Variants in COL9A1 observed in about 807,000 individuals in gnomAD.
COL9A1 encodes the protein collagen type IX alpha 1 chain, also known as collagen alpha-1(IX) chain.
A neutral mutation model predicts 142.6 loss-of-function variants in COL9A1; 104 were observed. The observed-to-expected ratio is 0.73, with a 90% CI of 0.62 to 0.86. The LOEUF (loss-of-function observed/expected upper bound fraction) is 0.86, where lower values mean the gene tolerates loss of function less well. Ranked by LOEUF, COL9A1 falls within the 40% of genes least tolerant of loss-of-function variation. The pLI, the probability that COL9A1 is intolerant of heterozygous loss-of-function variation, is 0.00. For synonymous variants in COL9A1, 466 were observed against 396.0 expected, an observed-to-expected ratio of 1.18 and a Z score of -2.10; for missense variants, 1,210 against 1,176.6, an observed-to-expected ratio of 1.03 and a Z score of -0.42.
intron 33 of COL9A1, among the ~76,000 whole-genome samples, chr6:70,238,889 A>T (rs1360254948): frequency 6.6e-6 from 1 of 152,250 alleles, no homozygotes; most frequent in African/African-American, 2.4e-5. Flanking sequence ...CTGTAAACCC[A>T]GCACTTTGGG....
intron 35 of COL9A1, 37 bp from the exon 36 acceptor site, chr6:70,232,808 G>C: frequency 6.4e-7 from 1 of 1,572,190 alleles, no homozygotes; most frequent in Non-Finnish European, 8.7e-7. Context: ...AGAAGTGTCA[G>C]AAACATAAAA....
intron 11 of COL9A1, 92 bp from the exon 12 acceptor site, chr6:70,274,174 C>T (rs1023328386): frequency 3.0e-6 from 3 of 1,002,272 alleles, no homozygotes; most frequent in Admixed American, 2.4e-5. Flanking sequence ...ATTAAAACAC[C>T]CCATTATGGT....
At chr6:70,282,575 G>C (rs1184647960) in intron 7 of COL9A1, among the ~76,000 whole-genome samples, 1 of 152,126 alleles carries the variant, frequency 6.6e-6, no homozygotes, top group South Asian at 2.1e-4. Flanking sequence ...AGGTGGGGCG[G>C]GGGAGGGGGT....
intron 14 of COL9A1, 27 bp from the exon 15 acceptor site, chr6:70,270,394 G>A: frequency 6.2e-7 from 1 of 1,605,692 alleles, no homozygotes; most frequent in Non-Finnish European, 8.5e-7. Flanking sequence ...TTGCGACACA[G>A]TGGTTATACA....
intron 37 of COL9A1, among the ~76,000 whole-genome samples, chr6:70,219,867 A>G (rs1768760588): frequency 1.3e-5 from 2 of 152,280 alleles, no homozygotes; most frequent in Admixed American, 1.3e-4. Flanking sequence ...CTTAAGTTTT[A>G]AGTAATTTAT....
At chr6:70,281,339 T>C (rs1204664394) in intron 8 of COL9A1, 51 bp downstream of exon 8, 14 of 1,535,544 alleles carry the variant, frequency 9.1e-6, no homozygotes, top group African/African-American at 4.3e-5. Flanking sequence ...GGGAAAAGAA[T>C]AGGAAAGGGC....
chr6:70,281,270 T>A (rs1219301378), intron 8 of COL9A1, 120 bp downstream of exon 8: 1 of 946,988 alleles, frequency 1.1e-6, no homozygotes, highest in East Asian at 2.6e-5. Context: ...TTAAGTGGGG[T>A]GGCAGGAAGG....
Position 70,300,105 on chromosome 6 carries a change from T to A in COL9A1, c.237A>T (p.Gly79=), listed in dbSNP as rs1562334246. ...ASRRAIQRVV[G]SATLQVAYKL... The stretch of plus-strand genomic sequence containing the variant: ...TGTAAGCCACCTGCAATGTAGCTGA[T>A]CCCACTACTCTCTGGATAGCTCTTC... Residue 79 remains glycine, a synonymous_variant, in exon 4 of 38, where the codon GGA becomes GGT. Coordinates refer to ENST00000357250, the MANE Select transcript of COL9A1 (RefSeq NM_001851.6). The A allele has an allele frequency of 6.2e-7, 1 of 1,613,770 alleles. No individual in the cohort carries two copies. Among genetic ancestry groups the A allele is most frequent in the South Asian group, 1.1e-5 (1 of 91,062 alleles).
Position 70,269,621 on chromosome 6 carries a change from A to G in COL9A1, c.1230+12T>C, listed in dbSNP as rs6935778. On this transcript the variant is annotated intron_variant, in intron 16 of 37. Transcript: ENST00000357250. ...ATTAAAACTATATTTTGTTCAAAGG[A>G]AAGCATCTTACCAATGGATCTCCAT... is the stretch of plus-strand genomic sequence containing the variant. 0.17 allele frequency: 272,337 copies of G among 1,569,944 alleles called. 25,837 individuals are homozygous for G. Among genetic ancestry groups the G allele is most frequent in the Non-Finnish European group, 0.2 (222,980 of 1,139,530 alleles).
At position 70,281,388 on chromosome 6, in the gene COL9A1, A is replaced by T. The variant is rs149830493; in HGVS notation, c.876+2T>A. On this transcript the variant is annotated splice_donor_variant, in intron 8 of 37. Coordinates refer to ENST00000357250, the MANE Select transcript of COL9A1 (RefSeq NM_001851.6). LOFTEE classifies it high-confidence loss of function. ...AGAGGTGGCCTGGAGATAGAAACTT[A>T]CGTCGATGCCATCGATGCCTGGAAC... 274 of 1,611,000 alleles carry T rather than the reference A, an allele frequency of 1.7e-4. No individual in the cohort carries two copies. Among genetic ancestry groups the T allele is most frequent in the Non-Finnish European group, 2.2e-4 (258 of 1,178,560 alleles).
Position 70,269,682 on chromosome 6 carries a change from A to G in COL9A1, c.1198-17T>C. The G allele has an allele frequency of 6.5e-7, 1 of 1,533,268 alleles. No individual in the cohort carries two copies. Among genetic ancestry groups the G allele is most frequent in the Non-Finnish European group, 9.0e-7 (1 of 1,106,458 alleles). 95.0% of individuals were successfully genotyped at this position (1,533,268 alleles called of 1,614,324 possible). ...AATTGTTCCCTAAAGTAAACAAAAT[A>G]TTAAGGTTCAGAATACAATTAAATA... On this transcript the variant is annotated splice_polypyrimidine_tract_variant and intron_variant, in intron 15 of 37. Coordinates refer to ENST00000357250, the MANE Select transcript of COL9A1 (RefSeq NM_001851.6).
At chr6:70,271,222 T>C (rs1248603290) in intron 14 of COL9A1, among the ~76,000 whole-genome samples, 1 of 152,228 alleles carries the variant, frequency 6.6e-6, no homozygotes, top group Non-Finnish European at 1.5e-5. Flanking sequence ...ATATGAGACA[T>C]TTTTTATGAA....
rs201265632 is a variant in COL9A1 at position 70,254,551 on chromosome 6, C to T, written c.1666-22G>A. 580 of 1,612,656 alleles carry T rather than the reference C, an allele frequency of 3.6e-4. 4 individuals are homozygous for T. The Middle Eastern group carries it at 9.2e-3, about 26-fold the overall frequency. On this transcript the variant is annotated intron_variant, in intron 24 of 37. Transcript: ENST00000357250. ...CACCCTGCAAAAAAAGCTTTTATCA[C>T]ATGATTGAACCTGTATGAGCTGCTG...
intron 33 of COL9A1, among the ~76,000 whole-genome samples, chr6:70,237,352 AACAGAAATCAGGTT>A (rs1270597454): frequency 6.6e-6 from 1 of 152,220 alleles, no homozygotes; most frequent in African/African-American, 2.4e-5. Flanking sequence ...GGTATACTGA[AACAGAAATCAGGTT>A]ACAGACATCG....
intron 8 of COL9A1, 38 bp downstream of exon 8, chr6:70,281,352 G>A: frequency 6.3e-7 from 1 of 1,593,750 alleles, no homozygotes; most frequent in Non-Finnish European, 8.6e-7. Flanking sequence ...GAAAGGGCAG[G>A]ACTGGGGAAC....
chr6:70,283,197 C>G (rs549040392), intron 6 of COL9A1: 18 of 1,471,200 alleles, frequency 1.2e-5, no homozygotes, highest in Non-Finnish European at 1.6e-5. Context: ...CGTCCAGGCC[C>G]GGGAGGCGCG....
intron 14 of COL9A1, among the ~76,000 whole-genome samples, chr6:70,271,072 A>T (rs1772368615): frequency 6.6e-6 from 1 of 152,230 alleles, no homozygotes; most frequent in Non-Finnish European, 1.5e-5. Context: ...ATTTGCAAAC[A>T]GTAAGCACAT....
chr6:70,301,033 A>G (rs1016237521), intron 2 of COL9A1, among the ~76,000 whole-genome samples: 6 of 152,216 alleles, frequency 3.9e-5, no homozygotes, highest in African/African-American at 1.4e-4. Flanking sequence ...TCCCGACTAG[A>G]TTAATCCTAA....
intron 28 of COL9A1, among the ~76,000 whole-genome samples, chr6:70,243,259 AT>A (rs930976243): frequency 1.2e-4 from 18 of 152,318 alleles, no homozygotes; most frequent in African/African-American, 4.1e-4. Flanking sequence ...TGAAGTAAAA[AT>A]TTTTTTCTTC....
Sources: gnomAD v4.1 joint callset for allele counts (sites outside exome capture counted in the v4.1 genomes callset) on GRCh38, gnomAD v4.1.1 for gene constraint, MANE v1.5 for transcripts, NCBI Gene and HGNC (gene_info 2026-07-23, HGNC 2026-07-21) for gene names.